TULP3: variants seen among roughly 807,000 people sequenced by gnomAD.
TULP3 encodes tubby-related protein 3.
A neutral mutation model predicts 50.7 loss-of-function variants in TULP3; 38 were observed. The ratio of observed to expected loss-of-function variants is 0.75; its 90% CI spans 0.58 to 0.98. The LOEUF (loss-of-function observed/expected upper bound fraction) is 0.98. Among genes scored for constraint, TULP3 ranks in the 50% least tolerant of loss-of-function variants. The pLI is 0.00. For synonymous variants in TULP3, 183 were observed against 196.6 expected (o/e 0.93, Z 0.58); for missense variants, 550 against 568.0 (o/e 0.97, Z 0.32).
At chr12:2,903,392 G>A (rs1204357667) in intron 1 of TULP3, among the ~76,000 whole-genome samples, 2 of 151,326 alleles carry the variant, frequency 1.3e-5, no homozygotes, top group African/African-American at 2.4e-5. Context: ...GAGAAACCCC[G>A]TCTCCACTAA....
chr12:2,899,608 CG>C (rs562531102), intron 1 of TULP3, among the ~76,000 whole-genome samples: 273 of 152,008 alleles, frequency 1.8e-3, no homozygotes, highest in African/African-American at 6.1e-3. Context: ...AACTTGGAGG[CG>C]GGGGCCGGGC....
intron 6 of TULP3, 102 bp from the exon 7 acceptor site, chr12:2,933,316 A>T (rs1471622728): frequency 1.4e-6 from 1 of 699,784 alleles, no homozygotes; most frequent in Non-Finnish European, 2.5e-6. Flanking sequence ...TATGCTGAGG[A>T]CTTGCTAAGC....
At chr12:2,930,966 TAA>T (rs770559628) in intron 5 of TULP3, 69 bp from the exon 6 acceptor site, 12 of 1,543,708 alleles carry the variant, frequency 7.8e-6, no homozygotes, top group Non-Finnish European at 1.1e-5. Flanking sequence ...CTTTGTCCAC[TAA>T]GTGTTTTTCA....
chr12:2,933,306 T>C lies in TULP3; in HGVS notation c.697-112T>C, dbSNP rs139420570. The C allele has an allele frequency of 1.5e-3, 963 of 660,042 alleles. 14 individuals carry two copies. The Middle Eastern group carries it at 0.029, about 20-fold the overall frequency. 40.9% of individuals were successfully genotyped at this position (660,042 alleles called of 1,614,324 possible). On this transcript the variant is annotated intron_variant, in intron 6 of 10. Transcript: ENST00000448120. ...AGGCCCAAAGATTAACAGCTTGACA[T>C]ATGCTGAGGACTTGCTAAGCACTGG...
chr12:2,904,959 C>T (rs1028503407), intron 1 of TULP3, among the ~76,000 whole-genome samples: 2 of 151,624 alleles, frequency 1.3e-5, no homozygotes, highest in Non-Finnish European at 2.9e-5. Context: ...ATGGCAGGCA[C>T]CTGTTATCCC....
At chr12:2,900,242 T>G (rs1453025157) in intron 1 of TULP3, among the ~76,000 whole-genome samples, 1 of 151,878 alleles carries the variant, frequency 6.6e-6, no homozygotes, top group African/African-American at 2.4e-5. Context: ...ACAAAAAAAC[T>G]TGGATTCTAA....
chr12:2,936,990 G>T (rs1219814674), intron 8 of TULP3, among the ~76,000 whole-genome samples: 1 of 150,616 alleles, frequency 6.6e-6, no homozygotes, highest in Non-Finnish European at 1.5e-5. Context: ...TGCGCCTGTA[G>T]TCCCAGGCTG....
At chr12:2,932,319 G>A (rs7956347) in intron 6 of TULP3, among the ~76,000 whole-genome samples, 72,496 of 151,818 alleles carry the variant, frequency 0.48, 17,779 homozygotes, top group African/African-American at 0.6. Flanking sequence ...TGGCTCACAC[G>A]TATGATCCCA....
intron 1 of TULP3, among the ~76,000 whole-genome samples, chr12:2,906,250 T>TTG (rs2098182154): frequency 1.3e-5 from 2 of 151,598 alleles, no homozygotes; most frequent in South Asian, 4.2e-4. Flanking sequence ...CAGACTGCTC[T>TTG]TGAACTCCTG....
intron 4 of TULP3, among the ~76,000 whole-genome samples, chr12:2,929,224 G>A (rs1172190476): frequency 1.3e-5 from 2 of 151,670 alleles, no homozygotes; most frequent in African/African-American, 2.4e-5. Flanking sequence ...GGCTGAGGCA[G>A]GAGAGTGGCG....
chr12:2,929,279 T>C (rs1035078557), intron 4 of TULP3, among the ~76,000 whole-genome samples: 54 of 151,962 alleles, frequency 3.6e-4, no homozygotes, highest in African/African-American at 1.2e-3. Flanking sequence ...ATCGCGCCAC[T>C]GCGCTCCAGC....
chr12:2,908,685 G>T (rs2153948752), intron 1 of TULP3, among the ~76,000 whole-genome samples: 1 of 152,300 alleles, frequency 6.6e-6, no homozygotes, highest in Admixed American at 6.5e-5. Context: ...CTCCCAAAGT[G>T]CTGGGATTAC....
chr12:2,913,040 C>T (rs370085744), intron 2 of TULP3, among the ~76,000 whole-genome samples: 94 of 149,382 alleles, frequency 6.3e-4, no homozygotes, highest in Middle Eastern at 7.4e-3. Flanking sequence ...GGCACGATCT[C>T]GGCTCACTGC....
Position 2,940,962 on chromosome 12 carries a change from T to C in TULP3, c.*1518T>C, listed in dbSNP as rs544353479. The stretch of plus-strand genomic sequence containing the variant: ...CAGAAGCTATTAATACACGACAGCA[T>C]GTGGGGAAGGACTTATGGTGGGCCA... On this transcript the variant is annotated 3_prime_UTR_variant, in exon 11 of 11. Coordinates refer to ENST00000448120, the MANE Select transcript of TULP3 (RefSeq NM_003324.5). 1.9e-4 allele frequency: 95 copies of C among 503,380 alleles called. No individual in the cohort carries two copies. Among genetic ancestry groups the C allele is most frequent in the Non-Finnish European group, 3.1e-4 (87 of 283,802 alleles). 31.2% of individuals were successfully genotyped at this position (503,380 alleles called of 1,614,324 possible).
chr12:2,899,554 C>T (rs549933482), intron 1 of TULP3, among the ~76,000 whole-genome samples: 3 of 152,040 alleles, frequency 2.0e-5, no homozygotes, highest in Non-Finnish European at 2.9e-5. Flanking sequence ...AAATGGAACC[C>T]GTTACCTTAT....
At chr12:2,910,435 A>G (rs2098184808) in intron 2 of TULP3, among the ~76,000 whole-genome samples, 1 of 152,230 alleles carries the variant, frequency 6.6e-6, no homozygotes, top group South Asian at 2.1e-4. Flanking sequence ...AGTGCTGGAC[A>G]TGTAGTAATC....
intron 1 of TULP3, among the ~76,000 whole-genome samples, chr12:2,903,737 A>G (rs552628666): frequency 1.3e-5 from 2 of 152,238 alleles, no homozygotes; most frequent in East Asian, 3.9e-4. Context: ...GAATCCCTCT[A>G]TACCTTTCAC....
rs536026427 is a variant in TULP3, at chr12:2,912,028, G to A, written c.93+2448G>A. On this transcript the variant is annotated intron_variant, in intron 2 of 10. Coordinates refer to ENST00000448120, the MANE Select transcript of TULP3 (RefSeq NM_003324.5). Reference sequence around the variant, plus strand: ...TGAAATGCCAATAAGTGCTTAAGAAGGAAGTCACTCAGTAGGGGGTAAGGG... The same window carrying A: ...TGAAATGCCAATAAGTGCTTAAGAAAGAAGTCACTCAGTAGGGGGTAAGGG... Among the ~76,000 whole-genome samples the A allele has an allele frequency of 1.7e-4, 26 of 151,958 alleles. No individual in the cohort carries two copies. The South Asian group carries it at 5.0e-3, about 29-fold the overall frequency.
chr12:2,916,677 A>G (rs185446384), intron 2 of TULP3, among the ~76,000 whole-genome samples: 2 of 152,316 alleles, frequency 1.3e-5, no homozygotes, highest in East Asian at 1.9e-4. Context: ...GAAGTAAAAT[A>G]TAGATGGAAT....
Sources: gnomAD v4.1 joint callset for allele counts (sites outside exome capture counted in the v4.1 genomes callset) on GRCh38, gnomAD v4.1.1 for gene constraint, MANE v1.5 for transcripts, NCBI Gene and HGNC (gene_info 2026-07-23, HGNC 2026-07-21) for gene names.